The following DPYD variants were observed in gnomAD, a reference collection of about 807,000 sequenced individuals.
The protein encoded by DPYD is dihydropyrimidine dehydrogenase.
DPYD carries 109 observed loss-of-function variants against 116.2 expected under a neutral mutation model. That is an observed-to-expected ratio of 0.94 (90% confidence interval 0.80 to 1.10). DPYD has a LOEUF of 1.10. DPYD is among the 50% of genes least tolerant of loss of function. DPYD has a pLI of 0.00. For missense variants in DPYD, 1,302 were observed against 1,254.5 expected (o/e 1.04, Z -0.57); for synonymous variants, 440 against 432.0 (o/e 1.02, Z -0.23).
intron 14 of DPYD, among the ~76,000 whole-genome samples, chr1:97,393,927 A>T (rs1203135254): frequency 6.6e-6 from 1 of 152,030 alleles, no homozygotes; most frequent in Admixed American, 6.6e-5. Context: ...AAGTGTTCCT[A>T]TTTCTCCATA....
At chr1:97,704,156 T>C (rs989131408) in intron 5 of DPYD, among the ~76,000 whole-genome samples, 2 of 152,100 alleles carry the variant, frequency 1.3e-5, no homozygotes, top group African/African-American at 2.4e-5. Flanking sequence ...ATACAAGTAA[T>C]GGATTATTTC....
chr1:97,558,215 C>T (rs1651888711), intron 11 of DPYD, among the ~76,000 whole-genome samples: 1 of 152,206 alleles, frequency 6.6e-6, no homozygotes, highest in South Asian at 2.1e-4. Flanking sequence ...TTACGCTAGG[C>T]ACTATGTGAC....
chr1:97,214,194 A>C (rs1570684696), intron 19 of DPYD, among the ~76,000 whole-genome samples: 1 of 152,092 alleles, frequency 6.6e-6, no homozygotes, highest in Admixed American at 6.6e-5. Context: ...AGACCATCCA[A>C]CTTAGCCTTC....
chr1:97,820,433 G>A (rs940194787), intron 3 of DPYD, among the ~76,000 whole-genome samples: 1 of 152,112 alleles, frequency 6.6e-6, no homozygotes, highest in Non-Finnish European at 1.5e-5. Flanking sequence ...TGAGTTGAAG[G>A]TAAAGAAACA....
chr1:97,714,835 G>A (rs1226544722), intron 5 of DPYD, among the ~76,000 whole-genome samples: 2 of 152,016 alleles, frequency 1.3e-5, no homozygotes, highest in Non-Finnish European at 2.9e-5. Flanking sequence ...GAAAACCAGG[G>A]TTTACATTGA....
intron 18 of DPYD, among the ~76,000 whole-genome samples, chr1:97,257,635 A>T (rs1365707867): frequency 1.3e-5 from 2 of 151,886 alleles, no homozygotes; most frequent in African/African-American, 2.4e-5. Context: ...ATTTAAAAAA[A>T]GTTTCATACC....
At chr1:97,198,017 T>C (rs915595526) in intron 19 of DPYD, among the ~76,000 whole-genome samples, 4 of 152,204 alleles carry the variant, frequency 2.6e-5, no homozygotes, top group African/African-American at 9.6e-5. Context: ...AGATTAAACC[T>C]ACTAATTTTC....
rs543008880 is a variant in DPYD, at chr1:97,594,142, T to C, written c.959-755A>G. On this transcript the variant is annotated intron_variant, in intron 9 of 22. Coordinates refer to ENST00000370192, the MANE Select transcript of DPYD (RefSeq NM_000110.4). ...TATAATAAGATTAAATAAAACTGTT[T>C]ATAAGATCAATTACTATAATTTTTT... is the stretch of plus-strand genomic sequence containing the variant. Among the ~76,000 whole-genome samples the C allele has an allele frequency of 4.6e-5, 7 of 152,314 alleles. No homozygotes were observed. The East Asian group carries it at 1.2e-3, about 25-fold the overall frequency.
intron 14 of DPYD, among the ~76,000 whole-genome samples, chr1:97,404,626 G>C (rs1673549154): frequency 6.6e-6 from 1 of 151,980 alleles, no homozygotes; most frequent in South Asian, 2.1e-4. Context: ...CTTTAGATTA[G>C]TGTTAGCATG....
intron 2 of DPYD, among the ~76,000 whole-genome samples, chr1:97,832,316 C>G (rs573568860): frequency 6.6e-6 from 1 of 152,074 alleles, no homozygotes; most frequent in Non-Finnish European, 1.5e-5. Flanking sequence ...CAGACTCAAA[C>G]TCCTCGCGAG....
chr1:97,296,876 G>A lies in DPYD; in HGVS notation c.2299+8383C>T, dbSNP rs1666571734. ...AGCATGTTTATGAATTTTTAAATGG[G>A]TGATGATAAATATAAAAAAGCACAG... On this transcript the variant is annotated intron_variant, in intron 18 of 22. Coordinates refer to ENST00000370192, the MANE Select transcript of DPYD (RefSeq NM_000110.4). Among the ~76,000 whole-genome samples, 2 of 152,016 alleles carry A rather than the reference G, an allele frequency of 1.3e-5. 1 individual carries two copies. Among genetic ancestry groups the A allele is most frequent in the Admixed American group, 1.3e-4 (2 of 15,248 alleles).
At position 97,885,452 on chromosome 1, in the gene DPYD, T is replaced by C. The variant is rs1672435211; in HGVS notation, c.40-2078A>G. Among the ~76,000 whole-genome samples, 4 of 152,078 alleles carry C rather than the reference T, an allele frequency of 2.6e-5. No individual in the cohort carries two copies. In the South Asian group the frequency reaches 6.2e-4, roughly 24 times the overall value. On this transcript the variant is annotated intron_variant, in intron 1 of 22. Transcript: ENST00000370192. ...ATTTTATAAGAGTATCACATGCTAA[T>C]ATGAAGAATTTAAAAATCATAAATG... is the stretch of plus-strand genomic sequence containing the variant.
chr1:97,792,739 T>C (rs1027973673), intron 3 of DPYD, among the ~76,000 whole-genome samples: 1 of 152,304 alleles, frequency 6.6e-6, no homozygotes, highest in African/African-American at 2.4e-5. Context: ...TTCATCTTAG[T>C]TCTTGTCCTC....
intron 20 of DPYD, among the ~76,000 whole-genome samples, chr1:97,151,751 T>C (rs1655042949): frequency 6.6e-6 from 1 of 152,092 alleles, no homozygotes; most frequent in Non-Finnish European, 1.5e-5. Flanking sequence ...TATCTGGTAC[T>C]ATGCAATCAG....
intron 14 of DPYD, among the ~76,000 whole-genome samples, chr1:97,442,521 A>AT (rs1348907813): frequency 6.6e-6 from 1 of 151,568 alleles, no homozygotes; most frequent in African/African-American, 2.4e-5. Flanking sequence ...AATATATTTT[A>AT]TTTTTTTCTT....
At chr1:97,903,942 G>C (rs894603267) in intron 1 of DPYD, among the ~76,000 whole-genome samples, 1 of 151,930 alleles carries the variant, frequency 6.6e-6, no homozygotes, top group African/African-American at 2.4e-5. Context: ...GGAGAAGATG[G>C]AGAGGGGTGA....
chr1:97,287,400 A>G (rs1665772640), intron 18 of DPYD, among the ~76,000 whole-genome samples: 3 of 152,200 alleles, frequency 2.0e-5, no homozygotes, highest in Non-Finnish European at 4.4e-5. Context: ...TTGAGGAGGC[A>G]GTCTGCCCCT....
intron 8 of DPYD, among the ~76,000 whole-genome samples, chr1:97,629,800 A>G (rs1439901778): frequency 6.6e-6 from 1 of 152,106 alleles, no homozygotes; most frequent in Non-Finnish European, 1.5e-5. Context: ...CAATGCTATG[A>G]TCTATGCAAT....
chr1:97,655,884 A>T (rs2100853856), intron 8 of DPYD, among the ~76,000 whole-genome samples: 1 of 152,298 alleles, frequency 6.6e-6, no homozygotes, highest in Non-Finnish European at 1.5e-5. Context: ...TTTTGGGAGA[A>T]ATCAGGATGA....
Sources: gnomAD v4.1 joint callset for allele counts (sites outside exome capture counted in the v4.1 genomes callset) on GRCh38, gnomAD v4.1.1 for gene constraint, MANE v1.5 for transcripts, NCBI Gene and HGNC (gene_info 2026-07-23, HGNC 2026-07-21) for gene names.